The following SREBF2 variants were observed in gnomAD, a reference collection of about 807,000 sequenced individuals.
The protein encoded by SREBF2 is sterol regulatory element binding transcription factor 2.
In SREBF2, 55 loss-of-function variants were observed where a neutral mutation model predicts 113.1. The observed-to-expected ratio is 0.49, with a 90% CI of 0.39 to 0.61. The LOEUF is 0.61. SREBF2 is among the 20% of genes least tolerant of loss of function. SREBF2 has a pLI of 0.00. For synonymous variants in SREBF2, 593 were observed against 605.7 expected (o/e 0.98, Z 0.31); for missense variants, 1,349 against 1,487.4 (o/e 0.91, Z 1.53).
At chr22:41,903,231 C>T (rs1041464034) in intron 17 of SREBF2, 76 bp downstream of exon 17, 3 of 1,512,858 alleles carry the variant, frequency 2.0e-6, no homozygotes, top group Admixed American at 2.0e-5. Context: ...GCATGGGCAC[C>T]AGCATGTGGT....
intron 1 of SREBF2, among the ~76,000 whole-genome samples, chr22:41,858,703 C>T (rs1165230809): frequency 6.6e-6 from 1 of 152,128 alleles, no homozygotes; most frequent in Non-Finnish European, 1.5e-5. Flanking sequence ...GCTATGATCA[C>T]ATCACTGCAC....
At chr22:41,879,613 G>C (rs962753928) in intron 9 of SREBF2, among the ~76,000 whole-genome samples, 2 of 152,192 alleles carry the variant, frequency 1.3e-5, no homozygotes, top group African/African-American at 4.8e-5. Context: ...TGGAAAGATA[G>C]AGGCACCTTA....
At chr22:41,877,110 T>C (rs2077203413) in intron 7 of SREBF2, 119 bp from the exon 8 acceptor site, 1 of 1,057,190 alleles carries the variant, frequency 9.5e-7, no homozygotes, top group Admixed American at 2.0e-5. Context: ...GCCTTAGTCC[T>C]GAGTTAATCG....
chr22:41,884,357 G>A (rs2267442), intron 10 of SREBF2, among the ~76,000 whole-genome samples: 83,728 of 152,026 alleles, frequency 0.55, 25,052 homozygotes, highest in East Asian at 0.82. Flanking sequence ...GGCTGGTCTC[G>A]AACTCCTGAT....
At chr22:41,848,594 G>A (rs1167050526) in intron 1 of SREBF2, among the ~76,000 whole-genome samples, 2 of 152,170 alleles carry the variant, frequency 1.3e-5, no homozygotes, top group Non-Finnish European at 2.9e-5. Context: ...CTGCTGGGAG[G>A]TGGGGCAACC....
At chr22:41,899,163 T>C (rs1475593487) in intron 15 of SREBF2, 2 of 1,105,046 alleles carry the variant, frequency 1.8e-6, no homozygotes, top group African/African-American at 1.6e-5. Context: ...GAGAGGCCAC[T>C]GTTGCCCCCA....
In SREBF2 at chr22:41,885,021, C is replaced by G. The variant is rs1202881537; in HGVS notation, c.2208+10C>G. ...GCTGGGCTTCCTGGCCGTGAGTACC[C>G]TTCGGTTCCCTTCTGTAAACCTCCC... On this transcript the variant is annotated intron_variant, in intron 11 of 18. Transcript: ENST00000361204. The G allele has an allele frequency of 6.2e-7, 1 of 1,613,714 alleles. No individual in the cohort carries two copies. The highest frequency in any genetic ancestry group is 1.7e-5 in the Admixed American group (1 of 59,984).
chr22:41,877,777 A>G (rs1289097389), intron 8 of SREBF2, among the ~76,000 whole-genome samples, 165 bp from the exon 9 acceptor site: 1 of 152,212 alleles, frequency 6.6e-6, no homozygotes. Context: ...CTCCATAATG[A>G]GAAGGGCTAC....
chr22:41,853,195 G>A (rs925616267), intron 1 of SREBF2, among the ~76,000 whole-genome samples: 1 of 152,188 alleles, frequency 6.6e-6, no homozygotes, highest in African/African-American at 2.4e-5. Flanking sequence ...CTTGCTATGA[G>A]TTCTCCTTCA....
intron 1 of SREBF2, among the ~76,000 whole-genome samples, chr22:41,856,848 G>A (rs1439588205): frequency 6.6e-6 from 1 of 152,158 alleles, no homozygotes; most frequent in Non-Finnish European, 1.5e-5. Flanking sequence ...GCTGAGGCAG[G>A]TGGATCACCT....
chr22:41,847,174 TGGTTTAAGGGCTG>T (rs2076884096), intron 1 of SREBF2, among the ~76,000 whole-genome samples: 1 of 152,136 alleles, frequency 6.6e-6, no homozygotes, highest in Non-Finnish European at 1.5e-5. Context: ...TTTGCCTGAA[TGGTTTAAGGGCTG>T]AAAAAGGTTG....
Position 41,887,405 on chromosome 22 carries a change from C to T in SREBF2, c.2208+2394C>T, listed in dbSNP as rs186139695. Among the ~76,000 whole-genome samples, 9 of 152,270 alleles carry T rather than the reference C, an allele frequency of 5.9e-5. No homozygotes were observed. In the East Asian group the frequency reaches 1.7e-3, roughly 29 times the overall value. ...TAACCTGCCCCTTCCCCCAAGCCTT[C>T]CAGCCTTCCAAGGGTAACCACCATC... On this transcript the variant is annotated intron_variant, in intron 11 of 18. Coordinates refer to ENST00000361204, the MANE Select transcript of SREBF2 (RefSeq NM_004599.4).
intron 1 of SREBF2, among the ~76,000 whole-genome samples, chr22:41,845,273 C>T (rs2076867274): frequency 6.6e-6 from 1 of 152,070 alleles, no homozygotes; most frequent in Non-Finnish European, 1.5e-5. Context: ...TAGATGAAGG[C>T]ACTGAGACAG....
chr22:41,888,376 C>T (rs2077319677), intron 11 of SREBF2, among the ~76,000 whole-genome samples: 1 of 152,176 alleles, frequency 6.6e-6, no homozygotes, highest in South Asian at 2.1e-4. Context: ...GACGCAGAAC[C>T]TGTTATTTTA....
intron 2 of SREBF2, among the ~76,000 whole-genome samples, chr22:41,867,502 C>T (rs971270552): frequency 6.6e-6 from 1 of 152,194 alleles, no homozygotes; most frequent in African/African-American, 2.4e-5. Context: ...TTCAAAAATA[C>T]TTGGTTAAAA....
chr22:41,865,146 AACAC>A (rs133284), intron 1 of SREBF2, among the ~76,000 whole-genome samples: 48,598 of 149,442 alleles, frequency 0.33, 8,640 homozygotes, highest in Admixed American at 0.49. Context: ...TCCCCCAAAA[AACAC>A]ACACACACAC....
intron 1 of SREBF2, among the ~76,000 whole-genome samples, chr22:41,859,677 CAT>C: frequency 6.6e-6 from 1 of 151,654 alleles, no homozygotes; most frequent in East Asian, 1.9e-4. Context: ...ATAGATTCCA[CAT>C]GAGTTATCTC....
chr22:41,865,002 C>T (rs2077062391), intron 1 of SREBF2, among the ~76,000 whole-genome samples: 1 of 152,112 alleles, frequency 6.6e-6, no homozygotes, highest in South Asian at 2.1e-4. Flanking sequence ...TGTTCTCAAA[C>T]TCCTGACCTC....
chr22:41,895,908 C>G (rs1287383978), intron 13 of SREBF2, among the ~76,000 whole-genome samples: 1 of 151,826 alleles, frequency 6.6e-6, no homozygotes, highest in Non-Finnish European at 1.5e-5. Flanking sequence ...GGGTGGGAGG[C>G]CAAGGTGGGC....
Sources: gnomAD v4.1 joint callset for allele counts (sites outside exome capture counted in the v4.1 genomes callset) on GRCh38, gnomAD v4.1.1 for gene constraint, MANE v1.5 for transcripts, NCBI Gene and HGNC (gene_info 2026-07-23, HGNC 2026-07-21) for gene names.